SMIM23: variants seen among roughly 807,000 people sequenced by gnomAD.
SMIM23 encodes the protein small integral membrane protein 23.
A neutral mutation model predicts 12.8 loss-of-function variants in SMIM23; 10 were observed. The observed-to-expected ratio is 0.78, with a 90% CI of 0.48 to 1.32. SMIM23 has a LOEUF of 1.32. Among genes scored for constraint, SMIM23 ranks in the 40% most tolerant of loss-of-function variants. The pLI is 0.00. For missense variants in SMIM23, 184 were observed against 198.2 expected (o/e 0.93, Z 0.43); for synonymous variants, 78 against 80.1 (o/e 0.97, Z 0.14).
At chr5:171,789,330 T>C (rs989613874) in intron 1 of SMIM23, among the ~76,000 whole-genome samples, 8 of 152,234 alleles carry the variant, frequency 5.3e-5, no homozygotes, top group Non-Finnish European at 1.0e-4. Flanking sequence ...GGGACACATA[T>C]AGTTGCTCAG....
Position 171,788,897 on chromosome 5 carries a change from T to C in SMIM23, c.106-1333T>C, listed in dbSNP as rs936945664. On this transcript the variant is annotated intron_variant, in intron 1 of 3. Transcript: ENST00000523047. ...CTCTGTCACCCAGACTGGAGTGCAG[T>C]GGCGCAATCTTGGCTCACTGCAACC... Among the ~76,000 whole-genome samples, 16 of 152,366 alleles carry C rather than the reference T, an allele frequency of 1.1e-4. No homozygotes were observed. In the South Asian group the frequency reaches 3.1e-3, roughly 30 times the overall value.
At chr5:171,774,135 T>A in the SMIM23 span, among the ~76,000 whole-genome samples, 1 of 152,298 alleles carries the variant, frequency 6.6e-6, no homozygotes, top group South Asian at 2.1e-4. Flanking sequence ...ACTTGTTAGA[T>A]CCAACACAAT....
chr5:171,788,615 G>A lies in SMIM23; in HGVS notation c.106-1615G>A, dbSNP rs113782350. 4.5e-3 allele frequency among the ~76,000 whole-genome samples: 680 copies of A among 152,196 alleles called. 3 individuals are homozygous for A. The highest frequency in any genetic ancestry group is 0.014 in the Middle Eastern group (4 of 294). ...CAATACATTTAACTTAGGTGAAATG[G>A]ACAAATCTTCCTTGGCAGTACAACT... On this transcript the variant is annotated intron_variant, in intron 1 of 3. Coordinates refer to ENST00000523047, the MANE Select transcript of SMIM23 (RefSeq NM_001289970.2).
chr5:171,776,422 A>G, the SMIM23 span, among the ~76,000 whole-genome samples: 1 of 152,154 alleles, frequency 6.6e-6, no homozygotes, highest in Non-Finnish European at 1.5e-5. Flanking sequence ...GGGCAGAGCT[A>G]AACCCATCCC....
the SMIM23 span, among the ~76,000 whole-genome samples, chr5:171,776,589 G>C: frequency 6.6e-6 from 1 of 152,132 alleles, no homozygotes; most frequent in East Asian, 1.9e-4. Context: ...GCCACCAGAA[G>C]ACCACTGATA....
Position 171,790,557 on chromosome 5 carries a change from G to A in SMIM23, c.225+8G>A. ...AATCTTGCAGTTCCCCAGGTAACATGTCCAGCAAGGTACTGAGGTGAGGCA... is the reference window on the plus strand; with the variant it reads ...AATCTTGCAGTTCCCCAGGTAACATATCCAGCAAGGTACTGAGGTGAGGCA... On this transcript the variant is annotated splice_region_variant and intron_variant, in intron 3 of 3. Coordinates refer to ENST00000523047, the MANE Select transcript of SMIM23 (RefSeq NM_001289970.2). 6.5e-7 allele frequency: 1 copy of A among 1,536,500 alleles called. No homozygotes were observed. Among genetic ancestry groups the A allele is most frequent in the Non-Finnish European group, 8.7e-7 (1 of 1,146,836 alleles).
intron 1 of SMIM23, among the ~76,000 whole-genome samples, chr5:171,788,132 T>C (rs1481179150): frequency 2.0e-5 from 3 of 148,212 alleles, no homozygotes; most frequent in East Asian, 3.9e-4. Context: ...TCTAGTGAGT[T>C]TGGGGAAAAT....
upstream of SMIM23, among the ~76,000 whole-genome samples, chr5:171,781,755 G>T (rs1290853179): frequency 6.6e-6 from 1 of 152,218 alleles, no homozygotes; most frequent in African/African-American, 2.4e-5. Context: ...TCATGGAGTT[G>T]GAAGTGAGAG....
chr5:171,779,739 A>G (rs1755694833), upstream of SMIM23, among the ~76,000 whole-genome samples: 2 of 152,142 alleles, frequency 1.3e-5, no homozygotes, highest in African/African-American at 4.8e-5. Context: ...GCAGCCCATC[A>G]AATACTTGGA....
the SMIM23 span, among the ~76,000 whole-genome samples, chr5:171,776,468 C>T: frequency 1.3e-5 from 2 of 152,162 alleles, no homozygotes; most frequent in Admixed American, 1.3e-4. Flanking sequence ...ATTCTGTCTG[C>T]CAAAAACCCC....
At chr5:171,786,397 C>A (rs1755818098) in intron 1 of SMIM23, among the ~76,000 whole-genome samples, 1 of 152,216 alleles carries the variant, frequency 6.6e-6, no homozygotes, top group South Asian at 2.1e-4. Flanking sequence ...ATGCTTGCTG[C>A]ACACAGCCTG....
chr5:171,775,509 G>A, the SMIM23 span, among the ~76,000 whole-genome samples: 2 of 152,184 alleles, frequency 1.3e-5, no homozygotes, highest in African/African-American at 4.8e-5. Context: ...AGAGGAGGCA[G>A]TGGTGGACTT....
intron 1 of SMIM23, among the ~76,000 whole-genome samples, chr5:171,786,644 G>C (rs899125826): frequency 2.6e-5 from 4 of 152,126 alleles, no homozygotes; most frequent in Non-Finnish European, 5.9e-5. Flanking sequence ...GAATGAATGA[G>C]CTCTGCTGTC....
At chr5:171,774,322 ATGT>A in the SMIM23 span, 151 of 439,414 alleles carry the variant, frequency 3.4e-4, 2 homozygotes, top group South Asian at 2.4e-3. Context: ...ATAGACAGTA[ATGT>A]TGTTCCTGTT....
the SMIM23 span, chr5:171,773,884 C>G: frequency 2.2e-6 from 1 of 455,182 alleles, no homozygotes; most frequent in African/African-American, 2.0e-5. Context: ...TGTCTGCAGT[C>G]CAGATGGATA....
rs181648058 is a variant in SMIM23 at position 171,790,269 on chromosome 5, A to G, written c.145A>G (p.Thr49Ala). ...ALLILVLYLSTEIWGSSWEVS... is the reference protein window; with the variant it reads ...ALLILVLYLSAEIWGSSWEVS... ...GCTGATCTTGGTGCTGTACTTGAGC[A>G]CAGAGATATGGGGTGAGCATTCTGG... Residue 49 changes from threonine to alanine, a missense_variant, in exon 2 of 4, where the codon ACA becomes GCA. By Grantham distance (58) the Thr-to-Ala change is moderately conservative (BLOSUM62 0). Coordinates refer to ENST00000523047, the MANE Select transcript of SMIM23 (RefSeq NM_001289970.2). The G allele has an allele frequency of 2.0e-6, 3 of 1,536,118 alleles. No individual in the cohort carries two copies. The East Asian group carries it at 7.3e-5, about 38-fold the overall frequency.
chr5:171,774,532 T>C, the SMIM23 span: 6 of 456,032 alleles, frequency 1.3e-5, no homozygotes, highest in South Asian at 9.3e-5. Flanking sequence ...CCCACGCCCC[T>C]TGTGGGTTTG....
intron 3 of SMIM23, 78 bp from the exon 4 acceptor site, chr5:171,790,716 CT>C (rs1755906813): frequency 1.3e-6 from 2 of 1,496,078 alleles, no homozygotes; most frequent in African/African-American, 1.4e-5. Context: ...GCCCAGGGAT[CT>C]TTTTGAAACC....
chr5:171,791,097 G>A lies in SMIM23; in HGVS notation c.*9G>A. The A allele has an allele frequency of 6.8e-7, 1 of 1,465,742 alleles. No individual in the cohort carries two copies. The highest frequency in any genetic ancestry group is 9.0e-7 in the Non-Finnish European group (1 of 1,115,920). 90.8% of individuals were successfully genotyped at this position (1,465,742 alleles called of 1,614,324 possible). Reference sequence around the variant, plus strand: ...GCGGGGCAGAGCTCTGACTCTTGAAGTTCCAGTCAGGCAAGAAAATAAAGT... The same window carrying A: ...GCGGGGCAGAGCTCTGACTCTTGAAATTCCAGTCAGGCAAGAAAATAAAGT... On this transcript the variant is annotated 3_prime_UTR_variant, in exon 4 of 4. Transcript: ENST00000523047.
Sources: allele counts gnomAD v4.1 joint callset (sites outside exome capture counted in the v4.1 genomes callset), GRCh38; gene constraint gnomAD v4.1.1; transcripts MANE v1.5; gene names NCBI Gene and HGNC (gene_info 2026-07-23, HGNC 2026-07-21).